UTS2: variants seen among roughly 807,000 people sequenced by gnomAD.
UTS2 encodes the protein urotensin 2, also known as urotensin-2.
A neutral mutation model predicts 12.6 loss-of-function variants in UTS2; 10 were observed. That is an observed-to-expected ratio of 0.80 (90% confidence interval 0.49 to 1.35). UTS2 has a LOEUF of 1.35. Among genes scored for constraint, UTS2 ranks in the 40% most tolerant of loss-of-function variants. The pLI is 0.00. For synonymous variants in UTS2, 52 were observed against 50.0 expected (o/e 1.04, Z -0.17); for missense variants, 142 against 143.2 (o/e 0.99, Z 0.04).
At chr1:7,879,162 C>A in the UTS2 span, among the ~76,000 whole-genome samples, 1 of 152,120 alleles carries the variant, frequency 6.6e-6, no homozygotes, top group African/African-American at 2.4e-5. Context: ...CCAAATGAAC[C>A]TAACAGACAT....
rs543556030 is a variant in UTS2, at chr1:7,848,340, GA to G, written c.259-459del. Among the ~76,000 whole-genome samples, 223 of 152,118 alleles carry G rather than the reference GA, an allele frequency of 1.5e-3. 1 individual carries two copies. Among genetic ancestry groups the G allele is most frequent in the Middle Eastern group, 0.01 (3 of 294 alleles). On this transcript the variant is annotated intron_variant, in intron 3 of 3. Coordinates refer to ENST00000361696, the MANE Select transcript of UTS2 (RefSeq NM_006786.4). ...TGTAGTCCCAGCTACTCGGGAGGCT[GA>G]GGCATTAGAATTGCTTGAACCTGGG... is the stretch of plus-strand genomic sequence containing the variant.
chr1:7,911,319 T>A, the UTS2 span, among the ~76,000 whole-genome samples: 5 of 152,220 alleles, frequency 3.3e-5, no homozygotes, highest in African/African-American at 9.6e-5. Context: ...AGTGTTATTG[T>A]ACTGAGCATG....
chr1:7,900,258 G>T, the UTS2 span, among the ~76,000 whole-genome samples: 3 of 152,118 alleles, frequency 2.0e-5, no homozygotes, highest in Non-Finnish European at 4.4e-5. Context: ...AATTAGCCAG[G>T]CACAGTGGTG....
chr1:7,903,031 C>T, the UTS2 span, among the ~76,000 whole-genome samples: 11 of 106,160 alleles, frequency 1.0e-4, no homozygotes, highest in African/African-American at 3.6e-4. Context: ...TTCCCCTCCT[C>T]CCCTCCTTCC....
chr1:7,889,258 T>TAAAA, the UTS2 span, among the ~76,000 whole-genome samples: 1 of 66,296 alleles, frequency 1.5e-5, no homozygotes, highest in African/African-American at 6.1e-5. Context: ...ACCTCATTTC[T>TAAAA]ACAAAAAAAA....
the UTS2 span, among the ~76,000 whole-genome samples, chr1:7,868,876 A>T: frequency 6.6e-6 from 1 of 152,176 alleles, no homozygotes; most frequent in African/African-American, 2.4e-5. Flanking sequence ...TGATGGGATT[A>T]GTGCCCTTAT....
the UTS2 span, among the ~76,000 whole-genome samples, chr1:7,890,893 G>C: frequency 6.7e-6 from 1 of 148,244 alleles, no homozygotes; most frequent in Non-Finnish European, 1.5e-5. Flanking sequence ...GTATTTACCT[G>C]AGAGAAAAGA....
chr1:7,910,440 C>A, the UTS2 span, among the ~76,000 whole-genome samples: 1 of 152,090 alleles, frequency 6.6e-6, no homozygotes, highest in African/African-American at 2.4e-5. Context: ...CTACACAGAA[C>A]CCCCAGGGTC....
At chr1:7,872,331 A>AAAGG in the UTS2 span, among the ~76,000 whole-genome samples, 1 of 140,062 alleles carries the variant, frequency 7.1e-6, no homozygotes, top group Non-Finnish European at 1.5e-5. Context: ...GAAAAGAAAA[A>AAAGG]AAAAGAAAAA....
the UTS2 span, among the ~76,000 whole-genome samples, chr1:7,880,601 A>G: frequency 6.6e-6 from 1 of 152,234 alleles, no homozygotes; most frequent in African/African-American, 2.4e-5. Flanking sequence ...ACAACCATCA[A>G]GATTGAACCA....
chr1:7,847,929 T>G (rs2097409541), intron 3 of UTS2, 47 bp from the exon 4 acceptor site: 2 of 1,350,038 alleles, frequency 1.5e-6, no homozygotes, highest in Non-Finnish European at 1.0e-6. Flanking sequence ...AACAGATAAG[T>G]TACCAACGAG....
chr1:7,872,321 G>GAAAAAA, the UTS2 span, among the ~76,000 whole-genome samples: 6 of 86,062 alleles, frequency 7.0e-5, no homozygotes, highest in African/African-American at 2.3e-4. Context: ...AAAAAAAAAG[G>GAAAAAA]AAAAGAAAAA....
chr1:7,877,126 CAAAAAAAAAA>C, the UTS2 span, among the ~76,000 whole-genome samples: 1 of 62,822 alleles, frequency 1.6e-5, no homozygotes, highest in African/African-American at 6.7e-5. Context: ...GAGACTCTAT[CAAAAAAAAAA>C]AAAAAAGAAA....
the UTS2 span, among the ~76,000 whole-genome samples, chr1:7,899,658 C>T: frequency 5.3e-5 from 8 of 152,298 alleles, no homozygotes; most frequent in East Asian, 1.5e-3. Flanking sequence ...CAGGCACGAA[C>T]CACTGCACCT....
the UTS2 span, among the ~76,000 whole-genome samples, chr1:7,860,627 T>G: frequency 1.1e-4 from 16 of 148,032 alleles, 2 homozygotes; most frequent in African/African-American, 3.7e-4. Flanking sequence ...TGGAGCACAG[T>G]GGTGCAATCA....
the UTS2 span, among the ~76,000 whole-genome samples, chr1:7,868,260 G>A: frequency 6.6e-5 from 10 of 152,146 alleles, no homozygotes; most frequent in African/African-American, 2.2e-4. Context: ...CGATAATGCC[G>A]CTACTGATTT....
At chr1:7,853,206 A>G, upstream of UTS2, 10 of 1,552,496 alleles carry the variant, frequency 6.4e-6, no homozygotes, top group Non-Finnish European at 8.7e-6. Flanking sequence ...TCAAGGTAAC[A>G]AGTCATAGAC....
chr1:7,877,468 C>A, the UTS2 span, among the ~76,000 whole-genome samples: 21 of 152,116 alleles, frequency 1.4e-4, no homozygotes, highest in Non-Finnish European at 2.4e-4. Context: ...TAAAATAATA[C>A]AACTTACAGC....
the UTS2 span, among the ~76,000 whole-genome samples, chr1:7,903,396 T>A: frequency 2.4e-3 from 358 of 150,702 alleles, 12 homozygotes; most frequent in South Asian, 6.7e-3. Flanking sequence ...TTAATTAATT[T>A]ATTTATTTAT....
Sources: gnomAD v4.1 joint callset for allele counts (sites outside exome capture counted in the v4.1 genomes callset) on GRCh38, gnomAD v4.1.1 for gene constraint, MANE v1.5 for transcripts, NCBI Gene and HGNC (gene_info 2026-07-23, HGNC 2026-07-21) for gene names.